SLC25A13: variants seen among roughly 807,000 people sequenced by gnomAD.
SLC25A13 encodes the protein solute carrier family 25 member 13, also known as electrogenic aspartate/glutamate antiporter SLC25A13, mitochondrial.
A neutral mutation model predicts 85.5 loss-of-function variants in SLC25A13; 70 were observed. The observed-to-expected ratio is 0.82, with a 90% CI of 0.68 to 1.00. SLC25A13 has a LOEUF of 1.00. SLC25A13 is among the 50% of genes least tolerant of loss of function. The pLI is 0.00. For synonymous variants in SLC25A13, 259 were observed against 288.7 expected (o/e 0.90, Z 1.04); for missense variants, 765 against 819.8 (o/e 0.93, Z 0.82).
intron 3 of SLC25A13, among the ~76,000 whole-genome samples, chr7:96,259,337 A>G (rs1797758114): frequency 6.6e-6 from 1 of 152,232 alleles, no homozygotes; most frequent in Non-Finnish European, 1.5e-5. Context: ...AACATCCAGA[A>G]TCTACAAGGA....
At chr7:96,237,483 G>GCTTA (rs1162034939) in intron 3 of SLC25A13, among the ~76,000 whole-genome samples, 1 of 152,190 alleles carries the variant, frequency 6.6e-6, no homozygotes, top group Non-Finnish European at 1.5e-5. Context: ...TGGACCTTAA[G>GCTTA]GGCCAAGCAA....
At chr7:96,305,948 G>A (rs570679820) in intron 1 of SLC25A13, among the ~76,000 whole-genome samples, 102 of 152,274 alleles carry the variant, frequency 6.7e-4, no homozygotes, top group South Asian at 3.5e-3. Flanking sequence ...TCTCAAAGAC[G>A]ACACACCATC....
intron 13 of SLC25A13, among the ~76,000 whole-genome samples, chr7:96,161,314 A>G (rs1436560572): frequency 1.3e-5 from 2 of 152,176 alleles, no homozygotes; most frequent in African/African-American, 4.8e-5. Context: ...ACACCTAGCC[A>G]TGGTTACAGC....
chr7:96,291,109 C>T (rs1799100557), intron 2 of SLC25A13, among the ~76,000 whole-genome samples: 2 of 152,176 alleles, frequency 1.3e-5, no homozygotes, highest in Non-Finnish European at 2.9e-5. Flanking sequence ...CAAACTAGAA[C>T]TCAGGATTAA....
At chr7:96,298,537 G>A (rs1313500086) in intron 1 of SLC25A13, among the ~76,000 whole-genome samples, 4 of 151,922 alleles carry the variant, frequency 2.6e-5, no homozygotes, top group East Asian at 1.9e-4. Flanking sequence ...AGGTTCAAAC[G>A]ATTCTCCTGC....
rs556540015 is a variant in SLC25A13, at chr7:96,226,005, T to C, written c.328+8797A>G. On this transcript the variant is annotated intron_variant, in intron 4 of 17. Transcript: ENST00000265631. ...CCTCACCTCTTTCAAAAAATGAAAA[T>C]AAAATCTTTTTTTTTTGGTGGAAAA... 8.6e-5 allele frequency among the ~76,000 whole-genome samples: 13 copies of C among 151,988 alleles called. No individual in the cohort carries two copies. The South Asian group carries it at 2.3e-3, about 27-fold the overall frequency.
At chr7:96,269,937 G>A (rs1437749191) in intron 3 of SLC25A13, among the ~76,000 whole-genome samples, 3 of 152,194 alleles carry the variant, frequency 2.0e-5, no homozygotes, top group African/African-American at 4.8e-5. Context: ...GAGCAGACTG[G>A]TGGTTGCCAG....
chr7:96,268,448 C>A (rs2116915016), intron 3 of SLC25A13, among the ~76,000 whole-genome samples: 1 of 152,256 alleles, frequency 6.6e-6, no homozygotes, highest in East Asian at 1.9e-4. Flanking sequence ...TCCTTAGAGT[C>A]CCACCTCCTC....
At chr7:96,273,500 T>TAGGAGAATG (rs1798325665) in intron 3 of SLC25A13, among the ~76,000 whole-genome samples, 1 of 152,206 alleles carries the variant, frequency 6.6e-6, no homozygotes, top group African/African-American at 2.4e-5. Flanking sequence ...GGGGGTTATG[T>TAGGAGAATG]AGGAGAATGT....
rs80338723 is a variant in SLC25A13 at position 96,170,044 on chromosome 7, C to A, written c.1311+1G>T. On this transcript the variant is annotated splice_donor_variant, in intron 13 of 17. Coordinates refer to ENST00000265631, the MANE Select transcript of SLC25A13 (RefSeq NM_014251.3). LOFTEE classifies it high-confidence loss of function. ...TGAAGAGAGCTTCAAAAGGTACTTA[C>A]GCAGCCTCCAGCAAGAATTTCTGCT... The A allele has an allele frequency of 6.2e-7, 1 of 1,613,962 alleles. No individual in the cohort carries two copies. The highest frequency in any genetic ancestry group is 8.5e-7 in the Non-Finnish European group (1 of 1,179,854).
intron 1 of SLC25A13, among the ~76,000 whole-genome samples, chr7:96,313,563 G>C (rs1027434650): frequency 6.6e-6 from 1 of 152,016 alleles, no homozygotes; most frequent in East Asian, 1.9e-4. Flanking sequence ...CTAAACAATG[G>C]GTACTCATGG....
intron 11 of SLC25A13, among the ~76,000 whole-genome samples, chr7:96,180,180 T>G (rs1283447234): frequency 6.6e-6 from 1 of 152,220 alleles, no homozygotes; most frequent in Non-Finnish European, 1.5e-5. Context: ...TGTGGTTTTT[T>G]TTTTGCCAAT....
intron 1 of SLC25A13, among the ~76,000 whole-genome samples, chr7:96,320,146 AG>A (rs1310668495): frequency 1.3e-5 from 2 of 152,196 alleles, no homozygotes; most frequent in Admixed American, 6.5e-5. Context: ...CTGGGATTAC[AG>A]GTGCCCACCA....
At chr7:96,226,654 A>G (rs1207180636) in intron 4 of SLC25A13, among the ~76,000 whole-genome samples, 1 of 152,082 alleles carries the variant, frequency 6.6e-6, no homozygotes, top group African/African-American at 2.4e-5. Context: ...TATAAAAAAT[A>G]ACACCATAAA....
intron 3 of SLC25A13, among the ~76,000 whole-genome samples, chr7:96,264,520 T>G (rs1428653722): frequency 6.6e-6 from 1 of 152,186 alleles, no homozygotes; most frequent in Non-Finnish European, 1.5e-5. Context: ...TTCTCAAAAA[T>G]TTTAGGTCTC....
chr7:96,138,500 C>T (rs1792387172), intron 14 of SLC25A13, among the ~76,000 whole-genome samples: 1 of 150,900 alleles, frequency 6.6e-6, no homozygotes, highest in Non-Finnish European at 1.5e-5. Context: ...GGCTCAAGTG[C>T]TCTTCCCCCC....
At chr7:96,169,848 A>C in intron 13 of SLC25A13, 197 bp downstream of exon 13, 1 of 611,942 alleles carries the variant, frequency 1.6e-6, no homozygotes, top group East Asian at 2.7e-5. Context: ...CTTAACAGGC[A>C]GTAAGGTCAG....
chr7:96,205,626 G>C (rs574071033), intron 5 of SLC25A13, among the ~76,000 whole-genome samples: 32 of 152,268 alleles, frequency 2.1e-4, no homozygotes, highest in Middle Eastern at 3.4e-3. Context: ...AATGTTACTA[G>C]ATGCAAAGTT....
intron 3 of SLC25A13, among the ~76,000 whole-genome samples, chr7:96,251,115 G>A (rs1797407560): frequency 6.6e-6 from 1 of 152,038 alleles, no homozygotes. Flanking sequence ...AAGCCCTAAA[G>A]GAAGTGAGTG....
Sources: allele counts gnomAD v4.1 joint callset (sites outside exome capture counted in the v4.1 genomes callset), GRCh38; gene constraint gnomAD v4.1.1; transcripts MANE v1.5; gene names NCBI Gene and HGNC (gene_info 2026-07-23, HGNC 2026-07-21).